The following COG6 variants were observed in gnomAD, a reference collection of about 807,000 sequenced individuals.
The protein encoded by COG6 is component of oligomeric golgi complex 6.
Under a neutral mutation model 88.8 loss-of-function variants are expected in COG6, and 74 were observed. The observed-to-expected ratio is 0.83, with a 90% CI of 0.69 to 1.01. The LOEUF (loss-of-function observed/expected upper bound fraction) is 1.01, where lower values mean the gene tolerates loss of function less well. Among genes scored for constraint, COG6 ranks in the 50% least tolerant of loss-of-function variants. The pLI is 0.00. For synonymous variants in COG6, 286 were observed against 278.7 expected (o/e 1.03, Z -0.26); for missense variants, 800 against 797.9 (o/e 1.00, Z -0.03).
At chr13:39,758,383 C>A (rs1346413952) in intron 18 of COG6, among the ~76,000 whole-genome samples, 16 of 152,088 alleles carry the variant, frequency 1.1e-4, no homozygotes. Context: ...GCATCAAGTT[C>A]TTCCTTGAAA....
intron 1 of COG6, chr13:39,656,309 C>A: frequency 2.4e-6 from 1 of 417,900 alleles, no homozygotes; most frequent in African/African-American, 2.0e-5. Context: ...ACCAAGAGAG[C>A]AGTGGTAGGG....
downstream of COG6, among the ~76,000 whole-genome samples, chr13:39,755,862 C>A (rs1368338671): frequency 2.0e-5 from 3 of 152,160 alleles, no homozygotes; most frequent in African/African-American, 7.2e-5. Flanking sequence ...GCTAATGAAT[C>A]GGACACATAA....
chr13:39,751,262 A>G lies in COG6; in HGVS notation c.*169A>G. The G allele has an allele frequency of 6.6e-7, 1 of 1,515,600 alleles. No homozygotes were observed. 93.9% of individuals were successfully genotyped at this position (1,515,600 alleles called of 1,614,324 possible). The stretch of plus-strand genomic sequence containing the variant: ...TTTTGGTCTCAGTAACAGGGAAGTA[A>G]GTAACATGTTGACCTGAGCTAGTAT... On this transcript the variant is annotated 3_prime_UTR_variant, in exon 19 of 19. Coordinates refer to ENST00000455146, the MANE Select transcript of COG6 (RefSeq NM_020751.3).
intron 11 of COG6, among the ~76,000 whole-genome samples, chr13:39,692,292 A>G (rs1052442570): frequency 6.6e-6 from 1 of 151,814 alleles, no homozygotes; most frequent in African/African-American, 2.4e-5. Context: ...TTTTTTTTTT[A>G]AGCCCATGGG....
At chr13:39,731,508 C>T (rs575998097) in intron 18 of COG6, among the ~76,000 whole-genome samples, 1 of 152,290 alleles carries the variant, frequency 6.6e-6, no homozygotes, top group East Asian at 1.9e-4. Flanking sequence ...ACAGAAACCA[C>T]AGTTGTGCAT....
intron 18 of COG6, among the ~76,000 whole-genome samples, chr13:39,728,215 C>G (rs1451130194): frequency 6.6e-6 from 1 of 152,044 alleles, no homozygotes; most frequent in Non-Finnish European, 1.5e-5. Flanking sequence ...GACATTTGCA[C>G]TGTTTTCACG....
intron 10 of COG6, 35 bp downstream of exon 10, chr13:39,687,834 A>G: frequency 7.2e-7 from 1 of 1,391,918 alleles, no homozygotes; most frequent in South Asian, 1.2e-5. Context: ...ATGCCTAAAT[A>G]TAGAAAATAA....
At chr13:39,785,947 A>G (rs1051837597) in intron 18 of COG6, among the ~76,000 whole-genome samples, 4 of 152,166 alleles carry the variant, frequency 2.6e-5, no homozygotes, top group Non-Finnish European at 5.9e-5. Flanking sequence ...GACAGAACTC[A>G]ATGCCCTGGG....
intron 13 of COG6, among the ~76,000 whole-genome samples, chr13:39,702,915 A>G (rs910295422): frequency 1.3e-5 from 2 of 152,144 alleles, no homozygotes; most frequent in African/African-American, 2.4e-5. Flanking sequence ...TACTGGTAAC[A>G]TGAATGGTTC....
intron 4 of COG6, among the ~76,000 whole-genome samples, chr13:39,668,584 C>G (rs4606581): frequency 6.6e-6 from 1 of 151,352 alleles, no homozygotes; most frequent in Non-Finnish European, 1.5e-5. Flanking sequence ...GTCAGGAGAT[C>G]GAGACCATCC....
chr13:39,717,025 G>T (rs1448131182), intron 13 of COG6, among the ~76,000 whole-genome samples: 1 of 152,130 alleles, frequency 6.6e-6, no homozygotes, highest in East Asian at 1.9e-4. Context: ...AGGTATGCTA[G>T]TGAAGAATTT....
chr13:39,730,394 C>T (rs552800742), intron 18 of COG6, among the ~76,000 whole-genome samples: 13 of 152,056 alleles, frequency 8.5e-5, no homozygotes, highest in South Asian at 2.1e-4. Flanking sequence ...TTTGTTTAGA[C>T]GAACAGAAAT....
At chr13:39,733,478 T>G (rs1879569547) in intron 18 of COG6, among the ~76,000 whole-genome samples, 1 of 152,106 alleles carries the variant, frequency 6.6e-6, no homozygotes, top group Non-Finnish European at 1.5e-5. Context: ...TGTGAGCCAC[T>G]GTGCCCGGCC....
At chr13:39,781,446 T>C (rs1881628255) in intron 18 of COG6, among the ~76,000 whole-genome samples, 1 of 151,770 alleles carries the variant, frequency 6.6e-6, no homozygotes, top group African/African-American at 2.4e-5. Context: ...GGAGGGTTTT[T>C]TTTTTTTTTT....
Position 39,687,403 on chromosome 13 carries a change from T to G in COG6, c.789-100T>G, listed in dbSNP as rs1876712792. The G allele has an allele frequency of 1.0e-5, 11 of 1,068,998 alleles. No individual in the cohort carries two copies. The South Asian group carries it at 1.4e-4, about 14-fold the overall frequency. 66.2% of individuals were successfully genotyped at this position (1,068,998 alleles called of 1,614,324 possible). ...ACCGAATATCTAAAGGAGCTTTAAG[T>G]GCTTTTTAAGTACTTGGTTGTCTCA... On this transcript the variant is annotated intron_variant, in intron 8 of 18. Coordinates refer to ENST00000455146, the MANE Select transcript of COG6 (RefSeq NM_020751.3).
At chr13:39,717,867 C>T (rs1447649100) in intron 13 of COG6, among the ~76,000 whole-genome samples, 1 of 152,024 alleles carries the variant, frequency 6.6e-6, no homozygotes, top group East Asian at 1.9e-4. Context: ...AAACAAAAAA[C>T]AAAAACAAAA....
intron 18 of COG6, among the ~76,000 whole-genome samples, chr13:39,749,851 AG>A (rs1880528781): frequency 6.6e-6 from 1 of 152,204 alleles, no homozygotes; most frequent in South Asian, 2.1e-4. Context: ...AAACCAAAAG[AG>A]GCTACTGAAG....
chr13:39,743,933 G>A (rs1880191920), intron 18 of COG6, among the ~76,000 whole-genome samples: 1 of 152,060 alleles, frequency 6.6e-6, no homozygotes, highest in African/African-American at 2.4e-5. Flanking sequence ...TCCCTGGGAT[G>A]CAAGGCTGGT....
intron 1 of COG6, among the ~76,000 whole-genome samples, chr13:39,657,552 G>A (rs1874601871): frequency 6.6e-6 from 1 of 151,478 alleles, no homozygotes; most frequent in Non-Finnish European, 1.5e-5. Flanking sequence ...TGTACAGTAA[G>A]TATTTATAGT....
Sources: gnomAD v4.1 joint callset for allele counts (sites outside exome capture counted in the v4.1 genomes callset) on GRCh38, gnomAD v4.1.1 for gene constraint, MANE v1.5 for transcripts, NCBI Gene and HGNC (gene_info 2026-07-23, HGNC 2026-07-21) for gene names.